Variants in TRPM3 observed in about 807,000 individuals in gnomAD.
TRPM3 encodes long transient receptor potential channel 3.
TRPM3 carries 77 observed loss-of-function variants against 181.2 expected under a neutral mutation model. That is an observed-to-expected ratio of 0.42 (90% CI 0.35 to 0.51). TRPM3 has a LOEUF of 0.51. TRPM3 is among the 20% of genes least tolerant of loss of function. TRPM3 has a pLI of 0.01. For missense variants in TRPM3, 1,759 were observed against 2,196.7 expected (o/e 0.80, Z 3.98); for synonymous variants, 745 against 796.4 (o/e 0.94, Z 1.09).
chr9:71,237,315 T>C (rs2081417243), intron 1 of TRPM3, among the ~76,000 whole-genome samples: 2 of 152,316 alleles, frequency 1.3e-5, no homozygotes, highest in South Asian at 4.1e-4. Context: ...TGAACACAGT[T>C]CTAAAGTATG....
intron 8 of TRPM3, among the ~76,000 whole-genome samples, chr9:70,739,801 A>T (rs543864359): frequency 2.4e-4 from 36 of 152,200 alleles, no homozygotes; most frequent in African/African-American, 8.4e-4. Flanking sequence ...TATTTTTAGT[A>T]GAGGTGGAAT....
chr9:70,802,467 G>A (rs993605700), intron 6 of TRPM3, among the ~76,000 whole-genome samples: 1 of 152,168 alleles, frequency 6.6e-6, no homozygotes, highest in South Asian at 2.1e-4. Flanking sequence ...ATGGCACGCT[G>A]GATTTGGCCC....
At chr9:70,603,517 C>T (rs1277306207) in intron 19 of TRPM3, 47 bp from the exon 20 acceptor site, 1 of 1,604,896 alleles carries the variant, frequency 6.2e-7, no homozygotes, top group African/African-American at 1.3e-5. Context: ...GGCCCAGGAG[C>T]CCCAGCATCA....
chr9:71,400,074 T>A (rs1000572992), intron 1 of TRPM3, among the ~76,000 whole-genome samples: 1 of 152,142 alleles, frequency 6.6e-6, no homozygotes, highest in Non-Finnish European at 1.5e-5. Context: ...ATTGAAACAC[T>A]AAGTCAGAGT....
intron 22 of TRPM3, among the ~76,000 whole-genome samples, chr9:70,585,083 G>A (rs768430968): frequency 3.0e-4 from 46 of 152,062 alleles, no homozygotes; most frequent in Non-Finnish European, 2.9e-5. Context: ...TGCCCCTCCT[G>A]CCCCGCTGAT....
At chr9:70,802,764 C>T (rs534426769) in intron 6 of TRPM3, among the ~76,000 whole-genome samples, 137 of 152,164 alleles carry the variant, frequency 9.0e-4, no homozygotes, top group Non-Finnish European at 1.6e-3. Flanking sequence ...CGATTCGACC[C>T]TATTTTAATA....
chr9:71,312,529 C>A (rs2088061027), intron 1 of TRPM3, among the ~76,000 whole-genome samples: 1 of 152,076 alleles, frequency 6.6e-6, no homozygotes, highest in South Asian at 2.1e-4. Context: ...TAATATACAA[C>A]CCAGCAATTG....
chr9:70,598,338 C>G (rs531903855), intron 21 of TRPM3, 81 bp downstream of exon 21: 2 of 1,542,468 alleles, frequency 1.3e-6, no homozygotes, highest in Non-Finnish European at 1.8e-6. Flanking sequence ...ATAGCAGGCC[C>G]AAATGAATTA....
intron 22 of TRPM3, among the ~76,000 whole-genome samples, chr9:70,581,674 A>G (rs1402935721): frequency 6.6e-6 from 1 of 152,204 alleles, no homozygotes; most frequent in Non-Finnish European, 1.5e-5. Context: ...GAAATCAACC[A>G]TCTGCCTTGC....
intron 1 of TRPM3, among the ~76,000 whole-genome samples, chr9:71,364,216 T>A (rs1588676010): frequency 6.6e-6 from 1 of 150,918 alleles, no homozygotes; most frequent in Non-Finnish European, 1.5e-5. Context: ...AAAAAAAAAA[T>A]CACTGTTATT....
intron 1 of TRPM3, among the ~76,000 whole-genome samples, chr9:71,275,066 GAA>G (rs56302331): frequency 6.6e-6 from 1 of 150,850 alleles, no homozygotes; most frequent in Non-Finnish European, 1.5e-5. Flanking sequence ...GTAAGGCAAG[GAA>G]AAAAAAATAA....
At chr9:71,026,531 T>C (rs1159199764) in intron 1 of TRPM3, among the ~76,000 whole-genome samples, 2 of 152,136 alleles carry the variant, frequency 1.3e-5, no homozygotes, top group Non-Finnish European at 2.9e-5. Flanking sequence ...GCAGAGGAAC[T>C]CTTCCTTCCC....
intron 24 of TRPM3, among the ~76,000 whole-genome samples, chr9:70,551,272 C>T (rs954204637): frequency 5.3e-5 from 8 of 152,224 alleles, no homozygotes; most frequent in African/African-American, 1.9e-4. Flanking sequence ...GTTCAGTTTC[C>T]CCGACTGATT....
At chr9:70,890,181 C>G (rs76987148) in intron 1 of TRPM3, among the ~76,000 whole-genome samples, 2,954 of 150,558 alleles carry the variant, frequency 0.02, 51 homozygotes, top group Middle Eastern at 0.048. Context: ...AGAAGAGAGA[C>G]TATAACACAG....
rs1303748675 is a variant in TRPM3 at position 71,196,981 on chromosome 9, T to A, written c.183+249672A>T. Among the ~76,000 whole-genome samples the A allele has an allele frequency of 5.9e-5, 9 of 152,164 alleles. No individual in the cohort carries two copies. The East Asian group carries it at 7.7e-4, about 13-fold the overall frequency. On this transcript the variant is annotated intron_variant, in intron 1 of 24. Transcript: ENST00000357533. ...TGTGCTGCACCCATTACTCGTCATT[T>A]AACATTAGGTATATCTCCCAATGCT...
chr9:70,798,512 G>A (rs756805855), intron 6 of TRPM3, among the ~76,000 whole-genome samples: 145 of 152,192 alleles, frequency 9.5e-4, no homozygotes, highest in Non-Finnish European at 1.6e-3. Context: ...GTCTTTTGGT[G>A]ATTATTGTAT....
At chr9:70,796,835 A>G (rs2087180147) in intron 6 of TRPM3, among the ~76,000 whole-genome samples, 1 of 152,184 alleles carries the variant, frequency 6.6e-6, no homozygotes, top group African/African-American at 2.4e-5. Flanking sequence ...TGGGGTACAA[A>G]GGAAGGCAGG....
Position 70,908,106 on chromosome 9 carries a change from C to A in TRPM3, c.178-43595G>T, listed in dbSNP as rs114278889. Among the ~76,000 whole-genome samples the A allele has an allele frequency of 1.8e-3, 281 of 152,148 alleles. 1 individual carries two copies. The highest frequency in any genetic ancestry group is 6.6e-3 in the African/African-American group (272 of 41,506). On this transcript the variant is annotated intron_variant, in intron 1 of 25. Coordinates refer to ENST00000677713, the MANE Select transcript of TRPM3 (RefSeq NM_001366145.2). ...TTTAAGCTCAATGCCAATGAATCAA[C>A]AATATATATTAAATAAAGTGTCTTT...
At chr9:71,037,325 C>T (rs569461148) in intron 1 of TRPM3, among the ~76,000 whole-genome samples, 19 of 152,222 alleles carry the variant, frequency 1.2e-4, no homozygotes, top group Non-Finnish European at 2.4e-4. Context: ...GTCTTGGTAT[C>T]TCAGGAAATA....
Sources: allele counts gnomAD v4.1 joint callset (sites outside exome capture counted in the v4.1 genomes callset), GRCh38; gene constraint gnomAD v4.1.1; transcripts MANE v1.5; gene names NCBI Gene and HGNC (gene_info 2026-07-23, HGNC 2026-07-21).